ZNF385C: variants seen among roughly 807,000 people sequenced by gnomAD.
ZNF385C encodes CTD-2132N18.2.
ZNF385C carries 28 observed loss-of-function variants against 35.4 expected under a neutral mutation model. The ratio of observed to expected loss-of-function variants is 0.79; its 90% CI spans 0.59 to 1.08. The LOEUF (loss-of-function observed/expected upper bound fraction) is 1.08, where lower values mean the gene tolerates loss of function less well. Ranked by LOEUF, ZNF385C falls within the 50% of genes least tolerant of loss-of-function variation. ZNF385C has a pLI of 0.00. For synonymous variants in ZNF385C, 248 were observed against 248.2 expected (o/e 1.00, Z 0.01); for missense variants, 605 against 595.6 (o/e 1.02, Z -0.16).
chr17:42,085,960 T>G (rs1230346064), intron 1 of ZNF385C, among the ~76,000 whole-genome samples: 1 of 152,076 alleles, frequency 6.6e-6, no homozygotes, highest in Non-Finnish European at 1.5e-5. Flanking sequence ...CCTGGTCACT[T>G]GAGAAGTTGA....
intron 1 of ZNF385C, among the ~76,000 whole-genome samples, chr17:42,096,452 GC>G (rs1376973068): frequency 5.3e-5 from 8 of 152,174 alleles, no homozygotes; most frequent in African/African-American, 1.4e-4. Flanking sequence ...GCCTTTGAAA[GC>G]CCCCAGCTTA....
rs151304436 is a variant in ZNF385C, at chr17:42,063,276, C to A, written c.-2-218G>T. Among the ~76,000 whole-genome samples the A allele has an allele frequency of 6.5e-4, 99 of 152,312 alleles. 2 individuals carry two copies. Among genetic ancestry groups the A allele is most frequent in the African/African-American group, 2.3e-3 (97 of 41,564 alleles). On this transcript the variant is annotated intron_variant, in intron 1 of 8. Coordinates refer to ENST00000692273, the MANE Select transcript of ZNF385C (RefSeq NM_001392013.1). ...CTTGGCTGTGGCTCACGCCTGTAAT[C>A]CCAGCACTTTGGGAGGCCGAGGCGG...
intron 1 of ZNF385C, among the ~76,000 whole-genome samples, chr17:42,092,562 A>C (rs1449410802): frequency 1.3e-5 from 2 of 152,186 alleles, no homozygotes; most frequent in Non-Finnish European, 2.9e-5. Context: ...CCCCGAGCCC[A>C]TCAGAGAATT....
chr17:42,078,614 A>C (rs978495521), intron 1 of ZNF385C, among the ~76,000 whole-genome samples: 6 of 151,852 alleles, frequency 4.0e-5, no homozygotes, highest in Admixed American at 1.3e-4. Context: ...GCTCAAAAAG[A>C]AGCAGCAGCA....
intron 2 of ZNF385C, among the ~76,000 whole-genome samples, chr17:42,055,068 C>CA (rs1555657447): frequency 6.6e-6 from 1 of 152,144 alleles, no homozygotes; most frequent in African/African-American, 2.4e-5. Context: ...CAGCTGGATC[C>CA]AGTCCTACAT....
At position 42,026,570 on chromosome 17, in the gene ZNF385C, A is replaced by G. The variant is rs1240138708; in HGVS notation, c.*327T>C. The G allele has an allele frequency of 3.4e-5, 13 of 379,070 alleles. No individual in the cohort carries two copies. The East Asian group carries it at 8.3e-4, about 24-fold the overall frequency. The allele number at this position is 379,070 out of a possible 1,614,324, so 23.5% of individuals were successfully genotyped here. ...GAGAGGATGGCTTGTAGAAGCTAAG[A>G]TTCCTAGAGTCTGGCCATGTGGGTC... is the stretch of plus-strand genomic sequence containing the variant. On this transcript the variant is annotated 3_prime_UTR_variant, in exon 9 of 9. Transcript: ENST00000692273.
At position 42,028,185 on chromosome 17, in the gene ZNF385C, G is replaced by A. The variant is rs929492735; in HGVS notation, c.1029C>T (p.Arg343=). The A allele has an allele frequency of 1.3e-6, 2 of 1,594,788 alleles. No individual in the cohort carries two copies. ...GTCCGGCACCTCCCCTGGACACCGG[G>A]CGGCCCCGGCTCCTCCGGGGAGCCC... ...QRGAPRRSRG[R]PVSRGGAGHK... The change falls in exon 7 of 9, where the codon CGC becomes CGT. Residue 343 remains arginine, a synonymous_variant. Coordinates refer to ENST00000692273, the MANE Select transcript of ZNF385C (RefSeq NM_001392013.1).
chr17:42,063,088 C>T (rs782334378), intron 1 of ZNF385C, 30 bp from the exon 2 acceptor site: 27 of 587,944 alleles, frequency 4.6e-5, no homozygotes, highest in Non-Finnish European at 4.5e-5. Flanking sequence ...GATGAATGAA[C>T]GCCAAATGGT....
At chr17:42,038,003 C>A (rs782800149) in intron 2 of ZNF385C, 118 bp from the exon 3 acceptor site, 3 of 1,537,486 alleles carry the variant, frequency 2.0e-6, no homozygotes, top group African/African-American at 2.7e-5. Flanking sequence ...TCTCTCTTCA[C>A]AGAGTGGCAC....
chr17:42,088,170 A>G (rs954897124), intron 1 of ZNF385C, among the ~76,000 whole-genome samples: 1 of 152,240 alleles, frequency 6.6e-6, no homozygotes, highest in East Asian at 1.9e-4. Flanking sequence ...AGTGTAGTCA[A>G]TCAACAAGGT....
intron 1 of ZNF385C, among the ~76,000 whole-genome samples, chr17:42,065,784 AT>A (rs2053538895): frequency 6.7e-6 from 1 of 150,238 alleles, no homozygotes; most frequent in South Asian, 2.1e-4. Context: ...CCGCCTCGGC[AT>A]CCCTAAGTGC....
chr17:42,040,644 T>A (rs1311748019), intron 2 of ZNF385C: 8 of 1,232,266 alleles, frequency 6.5e-6, no homozygotes, highest in Non-Finnish European at 8.1e-6. Flanking sequence ...CCTCGGCCAC[T>A]GCTTCCACTA....
At chr17:42,081,674 C>A (rs187781577) in intron 1 of ZNF385C, among the ~76,000 whole-genome samples, 5 of 152,172 alleles carry the variant, frequency 3.3e-5, no homozygotes, top group African/African-American at 1.2e-4. Flanking sequence ...CCACGCCCAA[C>A]CTCTACCCAG....
intron 8 of ZNF385C, 68 bp from the exon 9 acceptor site, chr17:42,027,201 A>G (rs1598176391): frequency 7.3e-7 from 1 of 1,375,400 alleles, no homozygotes; most frequent in African/African-American, 1.7e-5. Flanking sequence ...CCTGGGGCCC[A>G]TCCTCAAGCT....
In ZNF385C at chr17:42,028,126, C is replaced by G; in HGVS notation, c.1088G>C (p.Gly363Ala). The G allele has an allele frequency of 6.2e-7, 1 of 1,612,748 alleles. No homozygotes were observed. The highest frequency in any genetic ancestry group is 8.5e-7 in the Non-Finnish European group (1 of 1,179,592). Reference sequence around the variant, plus strand: ...GAAGGCAGGGCTGGGCCCCTGCCGGCCGCCCCGGCCCCCTGTGACTCTCTT... The same window carrying G: ...GAAGGCAGGGCTGGGCCCCTGCCGGGCGCCCCGGCCCCCTGTGACTCTCTT... ...KAKRVTGGRG[G>A]RQGPSPAFHC... Residue 363 changes from glycine (G) to alanine (A), a missense_variant, in exon 7 of 9, where the codon GGC becomes GCC. Transcript: ENST00000692273.
At chr17:42,056,944 A>AT (rs2053385320) in intron 2 of ZNF385C, among the ~76,000 whole-genome samples, 1 of 152,026 alleles carries the variant, frequency 6.6e-6, no homozygotes, top group Non-Finnish European at 1.5e-5. Flanking sequence ...AAATGGACTA[A>AT]TACACCCTAT....
intron 2 of ZNF385C, among the ~76,000 whole-genome samples, chr17:42,052,167 A>C (rs539618737): frequency 6.6e-6 from 1 of 152,288 alleles, no homozygotes; most frequent in South Asian, 2.1e-4. Flanking sequence ...CAGAGGTATG[A>C]GCAAGCCAGA....
At chr17:42,057,503 C>CGTGT (rs1567991377) in intron 2 of ZNF385C, among the ~76,000 whole-genome samples, 1 of 141,772 alleles carries the variant, frequency 7.1e-6, no homozygotes, top group Non-Finnish European at 1.5e-5. Context: ...GGTGTGCGCG[C>CGTGT]GCGCGCGCGC....
At chr17:42,093,244 C>T (rs2053881570) in intron 1 of ZNF385C, among the ~76,000 whole-genome samples, 2 of 149,912 alleles carry the variant, frequency 1.3e-5, no homozygotes, top group African/African-American at 4.9e-5. Context: ...AAGCTGGGGC[C>T]CGGGGTGGGT....
Sources: allele counts gnomAD v4.1 joint callset (sites outside exome capture counted in the v4.1 genomes callset), GRCh38; gene constraint gnomAD v4.1.1; transcripts MANE v1.5; gene names NCBI Gene and HGNC (gene_info 2026-07-23, HGNC 2026-07-21).